TTC27: variants seen among roughly 807,000 people sequenced by gnomAD.
The protein encoded by TTC27 is tetratricopeptide repeat domain 27.
A neutral mutation model predicts 115.9 loss-of-function variants in TTC27; 79 were observed. That is an observed-to-expected ratio of 0.68 (90% CI 0.57 to 0.82). The LOEUF is 0.82. Ranked by LOEUF, TTC27 falls within the 40% of genes least tolerant of loss-of-function variation. The pLI is 0.00. For missense variants in TTC27, 1,054 were observed against 993.1 expected (o/e 1.06, Z -0.82); for synonymous variants, 401 against 356.0 (o/e 1.13, Z -1.42).
chr2:32,782,432 T>TA (rs1410203939), intron 14 of TTC27, among the ~76,000 whole-genome samples, 194 bp from the exon 15 acceptor site: 2 of 152,224 alleles, frequency 1.3e-5, no homozygotes, highest in Non-Finnish European at 2.9e-5. Flanking sequence ...CATAGTTGAT[T>TA]GTTTTAACCT....
intron 12 of TTC27, among the ~76,000 whole-genome samples, chr2:32,751,269 C>CACAA (rs893143090): frequency 1.3e-5 from 2 of 148,526 alleles, no homozygotes; most frequent in African/African-American, 5.0e-5. Flanking sequence ...CACACACACA[C>CACAA]ACACACACAC....
At chr2:32,754,425 G>A (rs1669132257) in intron 12 of TTC27, among the ~76,000 whole-genome samples, 2 of 149,338 alleles carry the variant, frequency 1.3e-5, no homozygotes, top group South Asian at 4.4e-4. Flanking sequence ...ACCCTGAGTG[G>A]ACACAGCACA....
intron 10 of TTC27, among the ~76,000 whole-genome samples, chr2:32,724,773 C>T (rs927978677): frequency 6.6e-6 from 1 of 152,166 alleles, no homozygotes; most frequent in Non-Finnish European, 1.5e-5. Context: ...GAAGTAAGTG[C>T]ATCACTTCAA....
At chr2:32,709,840 A>G (rs1299971923) in intron 10 of TTC27, among the ~76,000 whole-genome samples, 1 of 152,226 alleles carries the variant, frequency 6.6e-6, no homozygotes, top group Non-Finnish European at 1.5e-5. Context: ...AGCATCTTCA[A>G]TTATGGTGGA....
chr2:32,667,698 G>A (rs1665840061), intron 7 of TTC27, among the ~76,000 whole-genome samples: 1 of 150,738 alleles, frequency 6.6e-6, no homozygotes, highest in African/African-American at 2.4e-5. Context: ...TTACAGGCGT[G>A]AGCCACCACA....
intron 16 of TTC27, among the ~76,000 whole-genome samples, chr2:32,793,536 T>G (rs1242495178): frequency 6.6e-6 from 1 of 152,226 alleles, no homozygotes; most frequent in Non-Finnish European, 1.5e-5. Context: ...TTGTTGTTGT[T>G]GTTTGAGATG....
intron 14 of TTC27, 29 bp downstream of exon 14, chr2:32,778,009 G>A (rs184337451): frequency 1.7e-5 from 28 of 1,604,936 alleles, no homozygotes; most frequent in Middle Eastern, 1.6e-4. Flanking sequence ...CTGTCCTTAC[G>A]TGGCTCTTTA....
Position 32,654,700 on chromosome 2 carries a change from T to A in TTC27, c.640+4467T>A, listed in dbSNP as rs1479734148. On this transcript the variant is annotated intron_variant, in intron 5 of 19. Coordinates refer to ENST00000317907, the MANE Select transcript of TTC27 (RefSeq NM_017735.5). ...CGCTTGCCACCATACATGGCTAATT[T>A]TTTTTTTTTTTTTGAGATGGAGTCT... Among the ~76,000 whole-genome samples, 4 of 150,884 alleles carry A rather than the reference T, an allele frequency of 2.7e-5. No homozygotes were observed. In the Admixed American group the frequency reaches 2.7e-4, roughly 10 times the overall value.
At chr2:32,671,088 G>A (rs1665999106) in intron 7 of TTC27, among the ~76,000 whole-genome samples, 1 of 152,050 alleles carries the variant, frequency 6.6e-6, no homozygotes, top group Non-Finnish European at 1.5e-5. Flanking sequence ...TTTTTAATTT[G>A]ATGAAGTCTA....
intron 15 of TTC27, among the ~76,000 whole-genome samples, chr2:32,785,182 A>G (rs1339792316): frequency 1.3e-5 from 2 of 152,184 alleles, no homozygotes; most frequent in Admixed American, 6.5e-5. Context: ...CTGTCATCTT[A>G]CTGCTGATGA....
chr2:32,780,382 T>G (rs1380201426), intron 14 of TTC27, among the ~76,000 whole-genome samples: 1 of 152,212 alleles, frequency 6.6e-6, no homozygotes, highest in Non-Finnish European at 1.5e-5. Flanking sequence ...TTTTGTTAAG[T>G]TATTCCAAAG....
At chr2:32,715,031 C>T (rs1478948509) in intron 10 of TTC27, among the ~76,000 whole-genome samples, 1 of 151,984 alleles carries the variant, frequency 6.6e-6, no homozygotes, top group African/African-American at 2.4e-5. Context: ...TAGGTTGTCT[C>T]TTTACTCTGT....
At chr2:32,684,534 GA>G (rs1463652979) in intron 9 of TTC27, among the ~76,000 whole-genome samples, 9 of 151,906 alleles carry the variant, frequency 5.9e-5, no homozygotes, top group Admixed American at 5.9e-4. Context: ...CTCTGTAAAT[GA>G]AAGAAGGAAA....
chr2:32,751,258 CCACACACACACACACACACACACA>C (rs56183534), intron 12 of TTC27, among the ~76,000 whole-genome samples: 63 of 140,854 alleles, frequency 4.5e-4, no homozygotes, highest in Non-Finnish European at 7.2e-4. Flanking sequence ...GTAGGTTAAA[CCACACACACACACACACACACACA>C]CACACACACA....
intron 10 of TTC27, among the ~76,000 whole-genome samples, chr2:32,717,903 CTACCATA>C (rs1423027947): frequency 6.6e-6 from 1 of 152,138 alleles, no homozygotes; most frequent in Non-Finnish European, 1.5e-5. Flanking sequence ...GATCCCAGCG[CTACCATA>C]TATTATACCT....
intron 12 of TTC27, among the ~76,000 whole-genome samples, chr2:32,741,747 T>C (rs1328098609): frequency 6.6e-6 from 1 of 152,194 alleles, no homozygotes; most frequent in Non-Finnish European, 1.5e-5. Flanking sequence ...TCAATCATAT[T>C]TGCTGCATGA....
chr2:32,672,938 A>G (rs1310759958), intron 8 of TTC27, among the ~76,000 whole-genome samples: 1 of 152,224 alleles, frequency 6.6e-6, no homozygotes, highest in African/African-American at 2.4e-5. Flanking sequence ...ACAGCTATCA[A>G]AATCAGAAAA....
chr2:32,764,085 A>C (rs1305743385), intron 13 of TTC27, among the ~76,000 whole-genome samples: 4 of 151,242 alleles, frequency 2.6e-5, no homozygotes, highest in Non-Finnish European at 5.9e-5. Context: ...ATGTCCTGTC[A>C]GTTTTTCCAT....
intron 12 of TTC27, among the ~76,000 whole-genome samples, chr2:32,745,255 T>G (rs938766390): frequency 6.6e-6 from 1 of 152,152 alleles, no homozygotes. Flanking sequence ...CTAGTAGACT[T>G]CGCATGAGAG....
Sources: gnomAD v4.1 joint callset for allele counts (sites outside exome capture counted in the v4.1 genomes callset) on GRCh38, gnomAD v4.1.1 for gene constraint, MANE v1.5 for transcripts, NCBI Gene and HGNC (gene_info 2026-07-23, HGNC 2026-07-21) for gene names.